Variants in P3H3 observed in about 807,000 individuals in gnomAD.
P3H3 encodes gene rich cluster, B.
P3H3 carries 64 observed loss-of-function variants against 78.1 expected under a neutral mutation model. The ratio of observed to expected loss-of-function variants is 0.82; its 90% CI spans 0.67 to 1.01. The LOEUF (loss-of-function observed/expected upper bound fraction) is 1.01. Among genes scored for constraint, P3H3 ranks in the 50% least tolerant of loss-of-function variants. The pLI, the probability that P3H3 is intolerant of heterozygous loss-of-function variation, is 0.00. For missense variants in P3H3, 975 were observed against 982.2 expected (o/e 0.99, Z 0.10); for synonymous variants, 425 against 416.7 (o/e 1.02, Z -0.24).
Position 6,831,955 on chromosome 12 carries a change from C to G in P3H3, c.1212+41C>G. 2.6e-6 allele frequency: 3 copies of G among 1,146,802 alleles called. No homozygotes were observed. The highest frequency in any genetic ancestry group is 3.9e-6 in the Non-Finnish European group (3 of 774,302). 71.0% of individuals were successfully genotyped at this position (1,146,802 alleles called of 1,614,324 possible). A position where few individuals can be genotyped will look rare whatever the true frequency, so the allele number is the denominator to read the frequency against. On this transcript the variant is annotated intron_variant, in intron 6 of 14. Coordinates refer to ENST00000290510, the MANE Select transcript of P3H3 (RefSeq NM_014262.5). The surrounding 1 kb of genome is among the most constrained non-coding windows in gnomAD (Gnocchi z 4.6). ...TCTGCCCATCTCACCCCTCCGCACTCCCAGGAGGGATGGCACTTTGGTTTG... is the reference window on the plus strand; with the variant it reads ...TCTGCCCATCTCACCCCTCCGCACTGCCAGGAGGGATGGCACTTTGGTTTG...
rs1443561701 is a variant in P3H3, at chr12:6,833,829, A to G, written c.1333+20A>G. 1 of 1,611,954 alleles carries G rather than the reference A, an allele frequency of 6.2e-7. No individual in the cohort carries two copies. The highest frequency in any genetic ancestry group is 8.5e-7 in the Non-Finnish European group (1 of 1,178,256). ...GGAAGGGTGAGTTCCTGGGAGGGAG[A>G]AGGCAGGAGCCTGGAGGGTCTGGGG... is the stretch of plus-strand genomic sequence containing the variant. On this transcript the variant is annotated intron_variant, in intron 8 of 14. Transcript: ENST00000290510.
chr12:6,833,790 GCCCTTGA>G lies in P3H3; in HGVS notation c.1317_1323del (p.Leu440ThrfsTer11). 1.2e-6 allele frequency: 2 copies of G among 1,612,266 alleles called. No homozygotes were observed. Among genetic ancestry groups the G allele is most frequent in the Non-Finnish European group, 1.7e-6 (2 of 1,178,364 alleles). Reference sequence around the variant, plus strand: ...GGGACCATGAGCCCGTGAAGCCAAAGCCCTTGACCTACTGGAAGGGTGAGTTCCTGGG... The same window carrying G: ...GGGACCATGAGCCCGTGAAGCCAAAGCCTACTGGAAGGGTGAGTTCCTGGG... On this transcript the variant is annotated frameshift_variant, in exon 8 of 15. Transcript: ENST00000290510. LOFTEE classifies it high-confidence loss of function.
In P3H3 at chr12:6,839,011, T is replaced by C. The variant is rs1555122629; in HGVS notation, c.1917T>C (p.Arg639=). The C allele has an allele frequency of 1.9e-6, 3 of 1,599,720 alleles. No individual in the cohort carries two copies. In the African/African-American group the frequency reaches 4.0e-5, roughly 21 times the overall value. The change falls in exon 14 of 15, where the codon CGT becomes CGC. Residue 639 remains arginine, a synonymous_variant. Transcript: ENST00000290510. ...CCTCATCCCTCCAGGCTCGGGTGCG[T>C]CCTCGCTGTGGGCGCCTTGTGGCCT... The part of the protein sequence containing the change: ...PNALTVTARV[R]PRCGRLVAFS...
chr12:6,836,549 T>A (rs367627053), intron 9 of P3H3, among the ~76,000 whole-genome samples: 18 of 152,154 alleles, frequency 1.2e-4, no homozygotes, highest in African/African-American at 4.3e-4. Context: ...CCGCTGATGC[T>A]GTCTCCCTAC....
chr12:6,836,930 T>C lies in P3H3; in HGVS notation c.1459-55T>C, dbSNP rs1198792209. On this transcript the variant is annotated intron_variant, in intron 9 of 14. Coordinates refer to ENST00000290510, the MANE Select transcript of P3H3 (RefSeq NM_014262.5). ...GGCCGGAGGGAGGGTCTTGCAGCCC[T>C]GCAGACAGTGAGGGGCTGGGGGAGT... 1.1e-5 allele frequency: 15 copies of C among 1,348,962 alleles called. No individual in the cohort carries two copies. The East Asian group carries it at 3.0e-4, about 27-fold the overall frequency. 83.6% of individuals were successfully genotyped at this position (1,348,962 alleles called of 1,614,324 possible).
At position 6,830,369 on chromosome 12, in the gene P3H3, G is replaced by A. The variant is rs1555121128; in HGVS notation, c.668G>A (p.Gly223Asp). ...CCCCAACAGGCAGCCTATGACACTG[G>A]CCTGGAGCTACTGGGGCGCCAGGAG... ...TPPHWAAYDT[G>D]LELLGRQEAG... The change falls in exon 3 of 15, where the codon GGC (glycine) becomes GAC (aspartate). Residue 223 changes from glycine to aspartate, a missense_variant. Coordinates refer to ENST00000290510, the MANE Select transcript of P3H3 (RefSeq NM_014262.5). 6 of 1,582,714 alleles carry A rather than the reference G, an allele frequency of 3.8e-6. No individual in the cohort carries two copies. Among genetic ancestry groups the A allele is most frequent in the African/African-American group, 1.3e-5 (1 of 74,266 alleles).
chr12:6,832,724 C>T (rs1216551606), intron 6 of P3H3, among the ~76,000 whole-genome samples: 4 of 151,904 alleles, frequency 2.6e-5, no homozygotes, highest in Admixed American at 2.0e-4. Flanking sequence ...GCCTCAGCCT[C>T]CTGAGTAGCT....
At chr12:6,828,960 T>C in intron 1 of P3H3, 22 bp downstream of exon 1, 4 of 1,192,480 alleles carry the variant, frequency 3.4e-6, no homozygotes, top group Non-Finnish European at 4.2e-6. Flanking sequence ...GCCGGGCAGC[T>C]CCGAGGGTCC....
At chr12:6,833,441 C>A in intron 6 of P3H3, 151 bp from the exon 7 acceptor site, 1 of 702,170 alleles carries the variant, frequency 1.4e-6, no homozygotes, top group South Asian at 1.6e-5. Flanking sequence ...TGATCCACTG[C>A]CCAGGGCTCC....
rs782813438 is a variant in P3H3, at chr12:6,837,035, T to C, written c.1509T>C (p.Pro503=). 2.5e-6 allele frequency: 4 copies of C among 1,608,680 alleles called. No individual in the cohort carries two copies. The South Asian group carries it at 4.4e-5, about 18-fold the overall frequency. ...ARSGYRGRRS[P]HTPHERFEGL... ...CTGGCTATCGTGGTCGCCGCTCCCC[T>C]CACACCCCCCATGAACGCTTCGAGG... Residue 503 remains proline (P), a synonymous_variant, in exon 10 of 15, where the codon CCT becomes CCC. Coordinates refer to ENST00000290510, the MANE Select transcript of P3H3 (RefSeq NM_014262.5).
rs1815615409 is a variant in P3H3 at position 6,830,340 on chromosome 12, C to T, written c.652-13C>T. 2 of 1,568,064 alleles carry T rather than the reference C, an allele frequency of 1.3e-6. No individual in the cohort carries two copies. The highest frequency in any genetic ancestry group is 1.4e-5 in the African/African-American group (1 of 73,642). On this transcript the variant is annotated splice_polypyrimidine_tract_variant and intron_variant, in intron 2 of 14. Coordinates refer to ENST00000290510, the MANE Select transcript of P3H3 (RefSeq NM_014262.5). ...CTGGATCTTAGGTGACTGACTGCTC[C>T]CTTCCCCAACAGGCAGCCTATGACA... is the stretch of plus-strand genomic sequence containing the variant.
Position 6,828,470 on chromosome 12 carries a change from A to ACTGCTG in P3H3, c.38_43dup (p.Leu13_Leu14dup). On this transcript the variant is annotated inframe_insertion, in exon 1 of 15. Transcript: ENST00000290510. ...TCCGGCTCCTCCGGCCGCTGCTGCT[A>ACTGCTG]CTGCTGCTGCTGCCTCCCCCGGGGT... 1 of 1,231,288 alleles carries ACTGCTG rather than the reference A, an allele frequency of 8.1e-7. No individual in the cohort carries two copies. The highest frequency in any genetic ancestry group is 1.1e-6 in the Non-Finnish European group (1 of 912,324). 76.3% of individuals were successfully genotyped at this position (1,231,288 alleles called of 1,614,324 possible). A position where few individuals can be genotyped will look rare whatever the true frequency, so the allele number is the denominator to read the frequency against.
At position 6,839,642 on chromosome 12, in the gene P3H3, G is replaced by C; in HGVS notation, c.*181G>C. ...GACTCAGAGGACAGTGCACAGGCTA[G>C]CCTGGAGCTCACCAGGCCTGGGGAG... On this transcript the variant is annotated 3_prime_UTR_variant, in exon 15 of 15. Coordinates refer to ENST00000290510, the MANE Select transcript of P3H3 (RefSeq NM_014262.5). 1 of 800,196 alleles carries C rather than the reference G, an allele frequency of 1.2e-6. No homozygotes were observed. Among genetic ancestry groups the C allele is most frequent in the East Asian group, 2.7e-5 (1 of 36,842 alleles). 49.6% of individuals were successfully genotyped at this position (800,196 alleles called of 1,614,324 possible).
Position 6,830,646 on chromosome 12 carries a change from G to A in P3H3, c.861G>A (p.Trp287Ter). Residue 287 changes from tryptophan to a stop codon, truncating the protein, a stop_gained, in exon 4 of 15, where the codon TGG becomes TGA. Transcript: ENST00000290510. LOFTEE classifies it high-confidence loss of function. ...TATGGGTTTCCTCTGCAGGACACTG[G>A]ATTCAGGTCCTGCAGTGCCGGCAAC... ...GGLYEAIAGH[W>*]IQVLQCRQRC... 1.2e-6 allele frequency: 2 copies of A among 1,612,054 alleles called. No individual in the cohort carries two copies. The highest frequency in any genetic ancestry group is 1.7e-6 in the Non-Finnish European group (2 of 1,179,064).
chr12:6,829,219 TC>T lies in P3H3; in HGVS notation c.498+283del, dbSNP rs1386524281. On this transcript the variant is annotated intron_variant, in intron 1 of 14. Coordinates refer to ENST00000290510, the MANE Select transcript of P3H3 (RefSeq NM_014262.5). The surrounding 1 kb of genome is among the most constrained non-coding windows in gnomAD (Gnocchi z 5.1). ...AAGATGGAGGGACAGGGCCGCCTCT[TC>T]CTAGGAATGAAGCGGAGGCGGTGGG... The T allele has an allele frequency of 2.8e-6, 1 of 362,862 alleles. No individual in the cohort carries two copies. The highest frequency in any genetic ancestry group is 2.1e-5 in the African/African-American group (1 of 47,538). The allele number at this position is 362,862 out of a possible 1,614,324, so 22.5% of individuals were successfully genotyped here. A position where few individuals can be genotyped will look rare whatever the true frequency, so the allele number is the denominator to read the frequency against.
Position 6,833,731 on chromosome 12 carries a change from T to C in P3H3, c.1266-11T>C. The C allele has an allele frequency of 6.2e-7, 1 of 1,606,428 alleles. No homozygotes were observed. The highest frequency in any genetic ancestry group is 8.5e-7 in the Non-Finnish European group (1 of 1,173,128). ...CCTGGGCACCCACTGAGCGCATCTCTCACCCCTGAGAGAGGATCAAGAGAA... is the reference window on the plus strand; with the variant it reads ...CCTGGGCACCCACTGAGCGCATCTCCCACCCCTGAGAGAGGATCAAGAGAA... On this transcript the variant is annotated splice_polypyrimidine_tract_variant and intron_variant, in intron 7 of 14. Coordinates refer to ENST00000290510, the MANE Select transcript of P3H3 (RefSeq NM_014262.5).
intron 7 of P3H3, 36 bp downstream of exon 7, chr12:6,833,680 G>T (rs781809845): frequency 1.4e-5 from 23 of 1,608,584 alleles, no homozygotes; most frequent in Non-Finnish European, 2.0e-5. Context: ...GGCTTGGCCC[G>T]AGCTGGGAGG....
At chr12:6,834,525 G>A (rs1943477581) in intron 9 of P3H3, among the ~76,000 whole-genome samples, 1 of 152,216 alleles carries the variant, frequency 6.6e-6, no homozygotes, top group African/African-American at 2.4e-5. Context: ...ACTAGAAACT[G>A]CTAGGTTCTA....
At position 6,830,346 on chromosome 12, in the gene P3H3, C is replaced by T. The variant is rs1555121117; in HGVS notation, c.652-7C>T. The T allele has an allele frequency of 3.8e-6, 6 of 1,572,132 alleles. No individual in the cohort carries two copies. The East Asian group carries it at 1.4e-4, about 37-fold the overall frequency. ...CTTAGGTGACTGACTGCTCCCTTCC[C>T]CAACAGGCAGCCTATGACACTGGCC... On this transcript the variant is annotated splice_region_variant and splice_polypyrimidine_tract_variant and intron_variant, in intron 2 of 14. Transcript: ENST00000290510.
Sources: allele counts gnomAD v4.1 joint callset (sites outside exome capture counted in the v4.1 genomes callset), GRCh38; gene constraint gnomAD v4.1.1; non-coding constraint Gnocchi (gnomAD v3.1); transcripts MANE v1.5; gene names NCBI Gene and HGNC (gene_info 2026-07-23, HGNC 2026-07-21).